RSAD2: variants seen among roughly 807,000 people sequenced by gnomAD.
The protein encoded by RSAD2 is radical S-adenosyl methionine domain containing 2, also known as S-adenosylmethionine-dependent nucleotide dehydratase RSAD2.
A neutral mutation model predicts 37.7 loss-of-function variants in RSAD2; 38 were observed. The observed-to-expected ratio is 1.01, with a 90% CI of 0.78 to 1.32. The LOEUF is 1.32. RSAD2 is among the 40% of genes most tolerant of loss of function. The probability of loss-of-function intolerance (pLI) is 0.00; values close to 1 mark genes in which losing one functional copy is unlikely to be tolerated. For synonymous variants in RSAD2, 163 were observed against 157.4 expected (o/e 1.04, Z -0.27); for missense variants, 428 against 437.5 (o/e 0.98, Z 0.19).
chr2:6,865,887 C>A, exon 1 of RSAD2: 1 of 1,407,706 alleles, frequency 7.1e-7, no homozygotes. Context: ...CTTCCGGCCT[C>A]TCCTCCTCGC....
intron 1 of RSAD2, chr2:6,878,840 T>A: frequency 8.2e-7 from 1 of 1,221,960 alleles, no homozygotes; most frequent in Non-Finnish European, 1.1e-6. Context: ...AACTAGTAAC[T>A]TCAGCAACAT....
At chr2:6,880,893 C>T (rs891631689) in intron 1 of RSAD2, among the ~76,000 whole-genome samples, 1 of 151,762 alleles carries the variant, frequency 6.6e-6, no homozygotes, top group Non-Finnish European at 1.5e-5. Context: ...ATATTATTTA[C>T]TTTCCTGGCT....
chr2:6,896,145 T>A lies in RSAD2; in HGVS notation c.*203T>A. On this transcript the variant is annotated 3_prime_UTR_variant, in exon 6 of 6. Coordinates refer to ENST00000382040, the MANE Select transcript of RSAD2 (RefSeq NM_080657.5). ...TGAGACAATGGAAAACCATTAACTTTACTTCATTGGCTTATAACCTTGTTG... is the reference window on the plus strand; with the variant it reads ...TGAGACAATGGAAAACCATTAACTTAACTTCATTGGCTTATAACCTTGTTG... 1.9e-6 allele frequency: 1 copy of A among 512,922 alleles called. No homozygotes were observed. The highest frequency in any genetic ancestry group is 4.7e-4 in the Middle Eastern group (1 of 2,130). The allele number at this position is 512,922 out of a possible 1,614,324, so 31.8% of individuals were successfully genotyped here.
intron 2 of RSAD2, 31 bp downstream of exon 2, chr2:6,883,563 T>C (rs1663458478): frequency 6.2e-7 from 1 of 1,607,202 alleles, no homozygotes; most frequent in Admixed American, 1.7e-5. Flanking sequence ...TTCTTCTTAT[T>C]GCTATTGCTA....
intron 1 of RSAD2, among the ~76,000 whole-genome samples, chr2:6,870,715 C>A (rs1047895512): frequency 3.2e-4 from 49 of 152,150 alleles, no homozygotes; most frequent in African/African-American, 1.1e-3. Flanking sequence ...CTGGAGAGGA[C>A]TTTCCCTGTT....
intron 3 of RSAD2, among the ~76,000 whole-genome samples, chr2:6,889,462 TG>T (rs1208502085): frequency 6.6e-6 from 1 of 152,156 alleles, no homozygotes; most frequent in African/African-American, 2.4e-5. Context: ...GGCATCTGAG[TG>T]GTTCAGACGA....
intron 2 of RSAD2, 32 bp from the exon 3 acceptor site, chr2:6,886,903 A>G (rs1251448929): frequency 7.1e-6 from 11 of 1,552,594 alleles, no homozygotes; most frequent in South Asian, 1.1e-5. Flanking sequence ...GTCCTTGGAT[A>G]GAAAAGTTTA....
At chr2:6,883,171 C>T (rs1663447999) in intron 1 of RSAD2, among the ~76,000 whole-genome samples, 200 bp from the exon 2 acceptor site, 1 of 152,180 alleles carries the variant, frequency 6.6e-6, no homozygotes, top group African/African-American at 2.4e-5. Context: ...TAACCAGTTC[C>T]CTGCATCCCT....
upstream of RSAD2, among the ~76,000 whole-genome samples, chr2:6,873,248 C>A (rs950972500): frequency 6.6e-6 from 1 of 152,140 alleles, no homozygotes; most frequent in East Asian, 1.9e-4. Flanking sequence ...CTGAATTGTT[C>A]CATGTAACCA....
At chr2:6,888,831 A>G (rs1239817894) in intron 3 of RSAD2, among the ~76,000 whole-genome samples, 2 of 152,176 alleles carry the variant, frequency 1.3e-5, no homozygotes, top group African/African-American at 2.4e-5. Flanking sequence ...CCAATCTTAC[A>G]TTGCACTCAG....
At chr2:6,894,739 G>A (rs1234040147) in intron 5 of RSAD2, among the ~76,000 whole-genome samples, 1 of 152,172 alleles carries the variant, frequency 6.6e-6, no homozygotes, top group Non-Finnish European at 1.5e-5. Flanking sequence ...GGGCCCCCAT[G>A]TCCAGCTGGT....
chr2:6,867,013 G>A (rs1663107074), intron 1 of RSAD2, among the ~76,000 whole-genome samples: 1 of 152,162 alleles, frequency 6.6e-6, no homozygotes. Flanking sequence ...TTCTTTCTCA[G>A]GAATTTCACT....
Position 6,896,121 on chromosome 2 carries a change from G to A in RSAD2, c.*179G>A, listed in dbSNP as rs181681769. The A allele has an allele frequency of 1.9e-5, 10 of 533,812 alleles. No individual in the cohort carries two copies. The East Asian group carries it at 2.6e-4, about 14-fold the overall frequency. The allele number at this position is 533,812 out of a possible 1,614,324, so 33.1% of individuals were successfully genotyped here. ...ACGAATAACTTGGATAGCAAATCCT[G>A]AGACAATGGAAAACCATTAACTTTA... On this transcript the variant is annotated 3_prime_UTR_variant, in exon 6 of 6. Coordinates refer to ENST00000382040, the MANE Select transcript of RSAD2 (RefSeq NM_080657.5).
intron 1 of RSAD2, among the ~76,000 whole-genome samples, chr2:6,869,067 AT>A (rs1663158903): frequency 6.6e-6 from 1 of 152,208 alleles, no homozygotes; most frequent in Non-Finnish European, 1.5e-5. Flanking sequence ...AGCCCTTCAT[AT>A]AATGGCAGAC....
At chr2:6,889,281 A>G (rs1320209919) in intron 3 of RSAD2, among the ~76,000 whole-genome samples, 1 of 152,258 alleles carries the variant, frequency 6.6e-6, no homozygotes, top group Non-Finnish European at 1.5e-5. Context: ...CAAGATGCTC[A>G]CAGTCTATTA....
At chr2:6,878,965 A>G in intron 1 of RSAD2, 2 of 594,296 alleles carry the variant, frequency 3.4e-6, no homozygotes, top group Non-Finnish European at 5.7e-6. Flanking sequence ...AATCACAGCC[A>G]GGTAAATAGC....
chr2:6,876,986 TAC>T (rs1663293188), upstream of RSAD2: 1 of 152,116 alleles, frequency 6.6e-6, no homozygotes, highest in South Asian at 2.1e-4. Flanking sequence ...ACCACACACT[TAC>T]ACACAGTTCT....
intron 1 of RSAD2, among the ~76,000 whole-genome samples, chr2:6,879,822 G>C (rs952770113): frequency 1.3e-5 from 2 of 152,278 alleles, no homozygotes; most frequent in Middle Eastern, 3.4e-3. Flanking sequence ...GCATGAGTGA[G>C]TGAATAAGGA....
chr2:6,874,987 C>T (rs1461792253), upstream of RSAD2, among the ~76,000 whole-genome samples: 1 of 152,178 alleles, frequency 6.6e-6, no homozygotes, highest in African/African-American at 2.4e-5. Context: ...CCCAGCCTTA[C>T]AGTGAATACA....
Sources: allele counts gnomAD v4.1 joint callset (sites outside exome capture counted in the v4.1 genomes callset), GRCh38; gene constraint gnomAD v4.1.1; transcripts MANE v1.5; gene names NCBI Gene and HGNC (gene_info 2026-07-23, HGNC 2026-07-21).